Variants in AGAP9 observed in about 807,000 individuals in gnomAD.
The protein encoded by AGAP9 is ArfGAP with GTPase domain, ankyrin repeat and PH domain 9.
Under a neutral mutation model 55.6 loss-of-function variants are expected in AGAP9, and 23 were observed. That is an observed-to-expected ratio of 0.41 (90% CI 0.30 to 0.59). AGAP9 has a LOEUF of 0.59. Among genes scored for constraint, AGAP9 ranks in the 20% least tolerant of loss-of-function variants. The probability of loss-of-function intolerance (pLI) is 0.25; values close to 1 mark genes in which losing one functional copy is unlikely to be tolerated. For synonymous variants in AGAP9, 120 were observed against 305.0 expected, an observed-to-expected ratio of 0.39 and a Z score of 6.32; for missense variants, 309 against 808.1, an observed-to-expected ratio of 0.38 and a Z score of 7.49.
Position 47,516,589 on chromosome 10 carries a change from T to C in AGAP9, c.396+1234A>G, listed in dbSNP as rs1413140723. ...CAGGAGATCCCACACAAGACAGCAG[T>C]TACGTGAGATCCCAAAAGACTTTAA... On this transcript the variant is annotated intron_variant, in intron 4 of 7. Transcript: ENST00000452145. Among the ~76,000 whole-genome samples, 2 of 138,444 alleles carry C rather than the reference T, an allele frequency of 1.4e-5. 1 individual carries two copies. The highest frequency in any genetic ancestry group is 3.1e-5 in the Non-Finnish European group (2 of 65,102). 90.8% of individuals were successfully genotyped at this position (138,444 alleles called of 152,430 possible). A position where few individuals can be genotyped will look rare whatever the true frequency, so the allele number is the denominator to read the frequency against.
intron 2 of AGAP9, among the ~76,000 whole-genome samples, chr10:47,521,759 T>C (rs1840844522): frequency 6.6e-6 from 1 of 151,374 alleles, no homozygotes; most frequent in Non-Finnish European, 1.5e-5. Flanking sequence ...GCCAACAGTG[T>C]AGAGACTAAA....
At chr10:47,518,344 T>TACTAATATGTC (rs1292626227) in intron 3 of AGAP9, among the ~76,000 whole-genome samples, 1 of 48,642 alleles carries the variant, frequency 2.1e-5, no homozygotes, top group Admixed American at 2.7e-4. Flanking sequence ...AGTGGTTATC[T>TACTAATATGTC]ACTAATATGT....
chr10:47,519,053 A>G lies in AGAP9; in HGVS notation c.362-1196T>C, dbSNP rs1426304996. Among the ~76,000 whole-genome samples, 85 of 134,750 alleles carry G rather than the reference A, an allele frequency of 6.3e-4. 13 individuals are homozygous for G. Among genetic ancestry groups the G allele is most frequent in the Admixed American group, 5.0e-3 (66 of 13,290 alleles). 88.4% of individuals were successfully genotyped at this position (134,750 alleles called of 152,430 possible). ...CCTCCAAGTCTCATGTTAACATGTG[A>G]CCCTTAATGTTGGAGACAGGGCCTA... On this transcript the variant is annotated intron_variant, in intron 3 of 7. Coordinates refer to ENST00000452145, the MANE Select transcript of AGAP9 (RefSeq NM_001190810.1).
Position 47,507,656 on chromosome 10 carries a change from G to A in AGAP9, c.498-73C>T. On this transcript the variant is annotated intron_variant, in intron 5 of 7. Coordinates refer to ENST00000452145, the MANE Select transcript of AGAP9 (RefSeq NM_001190810.1). Reference sequence around the variant, plus strand: ...GGCCTGCAGACATTTTTTAAAAGGGGGGCAGAGGAAACTCTCCTAGCGGCC... The same window carrying A: ...GGCCTGCAGACATTTTTTAAAAGGGAGGCAGAGGAAACTCTCCTAGCGGCC... The A allele has an allele frequency of 5.3e-6, 8 of 1,515,784 alleles. 1 individual carries two copies. Among genetic ancestry groups the A allele is most frequent in the Non-Finnish European group, 8.8e-7 (1 of 1,133,306 alleles). The allele number at this position is 1,515,784 out of a possible 1,614,324, so 93.9% of individuals were successfully genotyped here. A position where few individuals can be genotyped will look rare whatever the true frequency, so the allele number is the denominator to read the frequency against.
intron 6 of AGAP9, among the ~76,000 whole-genome samples, chr10:47,506,793 C>T (rs1387656286): frequency 1.4e-5 from 2 of 143,674 alleles, no homozygotes; most frequent in Non-Finnish European, 1.5e-5. Context: ...GTGCGTGCCA[C>T]CATGCCCAGC....
At chr10:47,520,838 TAAAAAAA>T (rs1233034365) in intron 2 of AGAP9, among the ~76,000 whole-genome samples, 1 of 89,364 alleles carries the variant, frequency 1.1e-5, no homozygotes, top group Non-Finnish European at 2.1e-5. Context: ...CTCCTTTATT[TAAAAAAA>T]AAAAAAAAAA....
Position 47,501,962 on chromosome 10 carries a change from C to T in AGAP9, c.*190G>A, listed in dbSNP as rs1162722023. 8.5e-7 allele frequency: 1 copy of T among 1,175,732 alleles called. No homozygotes were observed. Among genetic ancestry groups the T allele is most frequent in the Non-Finnish European group, 1.2e-6 (1 of 841,972 alleles). 72.8% of individuals were successfully genotyped at this position (1,175,732 alleles called of 1,614,324 possible). On this transcript the variant is annotated 3_prime_UTR_variant, in exon 8 of 8. Coordinates refer to ENST00000452145, the MANE Select transcript of AGAP9 (RefSeq NM_001190810.1). ...GTATTTACTTAGTTTACGAAAAGTA[C>T]TGAAAATGCTATTACTAGCTGAATT...
At position 47,510,257 on chromosome 10, in the gene AGAP9, A is replaced by C. The variant is rs1840577565; in HGVS notation, c.411T>G (p.Arg137=). 7.3e-7 allele frequency: 1 copy of C among 1,364,932 alleles called. No individual in the cohort carries two copies. The highest frequency in any genetic ancestry group is 1.6e-5 in the African/African-American group (1 of 61,834). 84.6% of individuals were successfully genotyped at this position (1,364,932 alleles called of 1,614,324 possible). The change falls in exon 5 of 8, where the codon CGT becomes CGG. Residue 137 remains arginine, a synonymous_variant. Coordinates refer to ENST00000452145, the MANE Select transcript of AGAP9 (RefSeq NM_001190810.1). The part of the protein sequence containing the change: ...SNCTNHVSTE[R]FSQQYSSCST... ...AACACGAGCTGTATTGTTGACTGAA[A>C]CGCTCAGTAGATACCTGAAGGGGAA...
Position 47,520,838 on chromosome 10 carries a change from T to TA in AGAP9, c.293-272dup, listed in dbSNP as rs1233034365. ...TAACACAATGACACCCTCCTTTATT[T>TA]AAAAAAAAAAAAAAAAAAAAAAAGA... On this transcript the variant is annotated intron_variant, in intron 2 of 7. Coordinates refer to ENST00000452145, the MANE Select transcript of AGAP9 (RefSeq NM_001190810.1). 7.4e-3 allele frequency among the ~76,000 whole-genome samples: 664 copies of TA among 89,272 alleles called. 1 individual carries two copies. Among genetic ancestry groups the TA allele is most frequent in the South Asian group, 0.012 (36 of 3,062 alleles). The allele number at this position is 89,272 out of a possible 152,430, so 58.6% of individuals were successfully genotyped here.
intron 4 of AGAP9, among the ~76,000 whole-genome samples, chr10:47,514,208 C>A: frequency 6.8e-6 from 1 of 147,398 alleles, no homozygotes; most frequent in Non-Finnish European, 1.5e-5. Flanking sequence ...CCCAAATGCC[C>A]ATCAGTCAAT....
In AGAP9 at chr10:47,502,454, TG is replaced by T; in HGVS notation, c.1674del (p.Thr559ArgfsTer57). ...SQGQTKPSIK[S>X]TREEKEWWIR... ...ATCCACCATTCCTTCTCTTCCCTCGTGGACTTTATTGAGGGTTTTGTCTGCC... is the reference window on the plus strand; with the variant it reads ...ATCCACCATTCCTTCTCTTCCCTCGTGACTTTATTGAGGGTTTTGTCTGCC... On this transcript the variant is annotated frameshift_variant, in exon 8 of 8. Transcript: ENST00000452145. LOFTEE classifies it high-confidence loss of function. 6.2e-7 allele frequency: 1 copy of T among 1,612,646 alleles called. No homozygotes were observed. Among genetic ancestry groups the T allele is most frequent in the South Asian group, 1.1e-5 (1 of 91,026 alleles).
At position 47,502,208 on chromosome 10, in the gene AGAP9, G is replaced by A; in HGVS notation, c.1921C>T (p.Gln641Ter). 1.9e-6 allele frequency: 3 copies of A among 1,547,302 alleles called. 1 individual carries two copies. The Middle Eastern group carries it at 7.2e-4, about 369-fold the overall frequency. The part of the protein sequence containing the change: ...ACRKGNVVLE[Q>*]LLTGWTSWPE... ...CATGACGTCCACCCCGTCAGGAGCT[G>A]CTCCAGGACCACATTCCCCTTGCGG... The change falls in exon 8 of 8, where the codon CAG (glutamine) becomes TAG (stop). Residue 641 changes from glutamine (Q) to a stop codon, truncating the protein, a stop_gained. Coordinates refer to ENST00000452145, the MANE Select transcript of AGAP9 (RefSeq NM_001190810.1). LOFTEE classifies it high-confidence loss of function.
chr10:47,521,267 G>A (rs1348941647), intron 2 of AGAP9, among the ~76,000 whole-genome samples: 3 of 136,758 alleles, frequency 2.2e-5, no homozygotes, highest in Non-Finnish European at 3.1e-5. Context: ...TAACTGGTGT[G>A]TAACATCCAT....
At position 47,519,612 on chromosome 10, in the gene AGAP9, T is replaced by G. The variant is rs1391190527; in HGVS notation, c.361+887A>C. On this transcript the variant is annotated intron_variant, in intron 3 of 7. Coordinates refer to ENST00000452145, the MANE Select transcript of AGAP9 (RefSeq NM_001190810.1). ...CAGAAGCAGATGTTAAAGCCATGTT[T>G]GTACAGCCTGAAAATCTTTGAGCCA... is the stretch of plus-strand genomic sequence containing the variant. Among the ~76,000 whole-genome samples the G allele has an allele frequency of 9.5e-3, 508 of 53,674 alleles. 9 individuals are homozygous for G. Among genetic ancestry groups the G allele is most frequent in the Non-Finnish European group, 0.014 (433 of 30,594 alleles). The allele number at this position is 53,674 out of a possible 152,430, so 35.2% of individuals were successfully genotyped here.
intron 2 of AGAP9, among the ~76,000 whole-genome samples, chr10:47,521,651 C>T (rs1379899482): frequency 6.8e-6 from 1 of 146,650 alleles, no homozygotes; most frequent in Non-Finnish European, 1.5e-5. Context: ...ATATTATTAC[C>T]CAGAATTACT....
Position 47,510,801 on chromosome 10 carries a change from G to A in AGAP9, c.397-530C>T, listed in dbSNP as rs1840596393. On this transcript the variant is annotated intron_variant, in intron 4 of 7. Coordinates refer to ENST00000452145, the MANE Select transcript of AGAP9 (RefSeq NM_001190810.1). ...GCCGAGTTCGCGCCACTGCACTCCAGGCCGGGAGACAAAGTGAGACTCCGT... is the reference window on the plus strand; with the variant it reads ...GCCGAGTTCGCGCCACTGCACTCCAAGCCGGGAGACAAAGTGAGACTCCGT... 1.5e-4 allele frequency among the ~76,000 whole-genome samples: 14 copies of A among 95,402 alleles called. 1 individual carries two copies. The South Asian group carries it at 4.9e-3, about 33-fold the overall frequency. 62.6% of individuals were successfully genotyped at this position (95,402 alleles called of 152,430 possible).
rs1840386764 is a variant in AGAP9 at position 47,502,971 on chromosome 10, G to A, written c.1158C>T (p.Ser386=). Residue 386 remains serine, a synonymous_variant, in exon 8 of 8, where the codon AGC becomes AGT. Coordinates refer to ENST00000452145, the MANE Select transcript of AGAP9 (RefSeq NM_001190810.1). Reference sequence around the variant, plus strand: ...GAGAGGGGGGCGGGTTGAGCTTGGGGCTGGTGGTGCTGGAGATACCGGGGC... The same window carrying A: ...GAGAGGGGGGCGGGTTGAGCTTGGGACTGGTGGTGCTGGAGATACCGGGGC... The part of the protein sequence containing the change: ...CFSPGISSTT[S]PKLNPPPSPH... 15 of 1,563,772 alleles carry A rather than the reference G, an allele frequency of 9.6e-6. 1 individual carries two copies. The highest frequency in any genetic ancestry group is 1.8e-5 in the Admixed American group (1 of 56,764).
At position 47,515,720 on chromosome 10, in the gene AGAP9, C is replaced by T. The variant is rs1174546731; in HGVS notation, c.396+2103G>A. 1.4e-5 allele frequency among the ~76,000 whole-genome samples: 2 copies of T among 141,014 alleles called. 1 individual carries two copies. Among genetic ancestry groups the T allele is most frequent in the East Asian group, 5.9e-4 (2 of 3,392 alleles). 92.5% of individuals were successfully genotyped at this position (141,014 alleles called of 152,430 possible). A position where few individuals can be genotyped will look rare whatever the true frequency, so the allele number is the denominator to read the frequency against. Reference sequence around the variant, plus strand: ...GCTAACTCTGCTTTTCCTTTCCAGGCCTGCTTTTACTTTCCAGGCAGAAAA... The same window carrying T: ...GCTAACTCTGCTTTTCCTTTCCAGGTCTGCTTTTACTTTCCAGGCAGAAAA... On this transcript the variant is annotated intron_variant, in intron 4 of 7. Transcript: ENST00000452145.
intron 2 of AGAP9, among the ~76,000 whole-genome samples, chr10:47,522,152 G>A (rs1448220317): frequency 7.0e-6 from 1 of 142,330 alleles, no homozygotes; most frequent in Non-Finnish European, 1.5e-5. Flanking sequence ...CAAAGGGGGA[G>A]CCACGGCAAC....
Sources: allele counts gnomAD v4.1 joint callset (sites outside exome capture counted in the v4.1 genomes callset), GRCh38; gene constraint gnomAD v4.1.1; transcripts MANE v1.5; gene names NCBI Gene and HGNC (gene_info 2026-07-23, HGNC 2026-07-21).